The following ZDHHC14 variants were observed in gnomAD, a reference collection of about 807,000 sequenced individuals.
The protein encoded by ZDHHC14 is palmitoyltransferase ZDHHC14.
In ZDHHC14, 16 loss-of-function variants were observed where a neutral mutation model predicts 47.7. The observed-to-expected ratio is 0.34, with a 90% CI of 0.23 to 0.51. ZDHHC14 has a LOEUF of 0.51. Among genes scored for constraint, ZDHHC14 ranks in the 20% least tolerant of loss-of-function variants. The pLI is 0.97. For missense variants in ZDHHC14, 515 were observed against 662.5 expected, an observed-to-expected ratio of 0.78 and a Z score of 2.44; for synonymous variants, 293 against 278.9, an observed-to-expected ratio of 1.05 and a Z score of -0.50.
chr6:157,466,398 G>A (rs1192042080), intron 1 of ZDHHC14, among the ~76,000 whole-genome samples: 2 of 152,202 alleles, frequency 1.3e-5, no homozygotes, highest in African/African-American at 2.4e-5. Flanking sequence ...TGGATTCCCA[G>A]GGTTTAGGAC....
intron 2 of ZDHHC14, among the ~76,000 whole-genome samples, chr6:157,584,398 AG>A (rs1463949403): frequency 6.6e-6 from 1 of 152,238 alleles, no homozygotes; most frequent in Non-Finnish European, 1.5e-5. Flanking sequence ...CTGCAATGGT[AG>A]GAAAGAATCT....
chr6:157,628,210 G>A (rs1184901025), intron 3 of ZDHHC14, 139 bp from the exon 4 acceptor site: 1 of 856,276 alleles, frequency 1.2e-6, no homozygotes, highest in Non-Finnish European at 1.6e-6. Flanking sequence ...TCTCTGAGTG[G>A]TTAATTTGGA....
intron 1 of ZDHHC14, among the ~76,000 whole-genome samples, chr6:157,430,311 TA>T (rs67359917): frequency 0.037 from 3,599 of 96,306 alleles, 59 homozygotes; most frequent in African/African-American, 0.065. Context: ...CAAGACTGTG[TA>T]AAAAAAAAAA....
chr6:157,397,935 G>A (rs980798535), intron 1 of ZDHHC14, among the ~76,000 whole-genome samples: 1 of 152,148 alleles, frequency 6.6e-6, no homozygotes, highest in Admixed American at 6.5e-5. Context: ...AGGCTTTGGG[G>A]AGACAAACCC....
chr6:157,660,946 A>C (rs1057222902), intron 8 of ZDHHC14, among the ~76,000 whole-genome samples: 11 of 152,228 alleles, frequency 7.2e-5, no homozygotes, highest in Non-Finnish European at 1.2e-4. Flanking sequence ...ATGTGCTAGA[A>C]TGTGACAGAC....
intron 1 of ZDHHC14, among the ~76,000 whole-genome samples, chr6:157,391,786 C>A (rs1283474606): frequency 6.6e-6 from 1 of 152,142 alleles, no homozygotes; most frequent in East Asian, 1.9e-4. Context: ...TCAGACTATG[C>A]TTTTGTAGCT....
At chr6:157,566,244 A>T (rs1354950538) in intron 2 of ZDHHC14, among the ~76,000 whole-genome samples, 1 of 40,830 alleles carries the variant, frequency 2.4e-5, no homozygotes, top group Non-Finnish European at 4.4e-5. Context: ...CTTTCTCTCT[A>T]AAAAAACCCG....
At chr6:157,552,323 A>G (rs1428741616) in intron 2 of ZDHHC14, among the ~76,000 whole-genome samples, 2 of 152,116 alleles carry the variant, frequency 1.3e-5, no homozygotes, top group Non-Finnish European at 2.9e-5. Flanking sequence ...GAAACCCTTC[A>G]TGCAGAGTCG....
At chr6:157,418,903 C>A (rs1167744256) in intron 1 of ZDHHC14, among the ~76,000 whole-genome samples, 1 of 152,196 alleles carries the variant, frequency 6.6e-6, no homozygotes, top group Non-Finnish European at 1.5e-5. Flanking sequence ...GTAGAAAGCA[C>A]TCAGGGAACT....
Position 157,502,761 on chromosome 6 carries a change from G to A in ZDHHC14, c.246-39824G>A, listed in dbSNP as rs919323744. 6.6e-6 allele frequency among the ~76,000 whole-genome samples: 1 copy of A among 152,142 alleles called. No homozygotes were observed. The highest frequency in any genetic ancestry group is 2.4e-5 in the African/African-American group (1 of 41,424). On this transcript the variant is annotated intron_variant, in intron 1 of 8. Transcript: ENST00000359775. This position sits in a 1 kb window ranked among gnomAD's most constrained non-coding sequence, Gnocchi z 4.0. ...GCTGGAGTGCAGTGGCATGATCTTGGCTCACTGCAACCTCCGCCTCCCAGG... is the reference window on the plus strand; with the variant it reads ...GCTGGAGTGCAGTGGCATGATCTTGACTCACTGCAACCTCCGCCTCCCAGG...
intron 2 of ZDHHC14, among the ~76,000 whole-genome samples, chr6:157,546,115 C>T (rs376762523): frequency 1.4e-4 from 22 of 152,334 alleles, no homozygotes; most frequent in African/African-American, 5.3e-4. Context: ...CCGCTGCCTG[C>T]CAGCTTAGCT....
At chr6:157,660,525 T>C (rs1210654321) in intron 8 of ZDHHC14, among the ~76,000 whole-genome samples, 2 of 152,160 alleles carry the variant, frequency 1.3e-5, no homozygotes, top group Non-Finnish European at 2.9e-5. Flanking sequence ...CATATTTCCA[T>C]CTGAAAAGCC....
intron 1 of ZDHHC14, among the ~76,000 whole-genome samples, chr6:157,475,134 G>C (rs1369504529): frequency 1.3e-5 from 2 of 152,110 alleles, no homozygotes; most frequent in Non-Finnish European, 2.9e-5. Context: ...ATTTATTGAA[G>C]AGATTATCCT....
At chr6:157,558,149 A>G (rs1419263351) in intron 2 of ZDHHC14, among the ~76,000 whole-genome samples, 1 of 152,134 alleles carries the variant, frequency 6.6e-6, no homozygotes, top group African/African-American at 2.4e-5. Context: ...TTTTTGTACT[A>G]AATCTTTGAG....
At chr6:157,542,882 C>A in intron 2 of ZDHHC14, 137 bp downstream of exon 2, 2 of 1,099,820 alleles carry the variant, frequency 1.8e-6, no homozygotes, top group Non-Finnish European at 2.5e-6. Context: ...CGTTCCTTAG[C>A]TCGCTGGGTG....
chr6:157,673,339 C>T lies in ZDHHC14; in HGVS notation c.*217C>T. On this transcript the variant is annotated 3_prime_UTR_variant, in exon 9 of 9. Transcript: ENST00000359775. The surrounding 1 kb of genome is among the most constrained non-coding windows in gnomAD (Gnocchi z 5.4). ...TGAATTTTCTTCCCCAACCTGAGTG[C>T]TTTGACAACAATGGAAATAGAGAAG... The T allele has an allele frequency of 1.7e-6, 1 of 595,222 alleles. No individual in the cohort carries two copies. Among genetic ancestry groups the T allele is most frequent in the Non-Finnish European group, 2.7e-6 (1 of 363,640 alleles). 36.9% of individuals were successfully genotyped at this position (595,222 alleles called of 1,614,324 possible). A position where few individuals can be genotyped will look rare whatever the true frequency, so the allele number is the denominator to read the frequency against.
At chr6:157,532,617 T>C (rs967315356) in intron 1 of ZDHHC14, among the ~76,000 whole-genome samples, 2 of 152,196 alleles carry the variant, frequency 1.3e-5, no homozygotes, top group African/African-American at 4.8e-5. Flanking sequence ...GACAGAAATC[T>C]GCAAGGATGA....
intron 1 of ZDHHC14, among the ~76,000 whole-genome samples, chr6:157,512,039 A>T (rs554940574): frequency 1.1e-4 from 17 of 152,358 alleles, no homozygotes; most frequent in Admixed American, 5.2e-4. Flanking sequence ...GAAGGTCATA[A>T]AGAGCCTACC....
chr6:157,657,466 G>A (rs1172627661), intron 8 of ZDHHC14, among the ~76,000 whole-genome samples: 3 of 152,110 alleles, frequency 2.0e-5, no homozygotes, highest in Non-Finnish European at 4.4e-5. Context: ...GAGCTGTTCG[G>A]TACAAAAACA....
Sources: allele counts gnomAD v4.1 joint callset (sites outside exome capture counted in the v4.1 genomes callset), GRCh38; gene constraint gnomAD v4.1.1; non-coding constraint Gnocchi (gnomAD v3.1); transcripts MANE v1.5; gene names NCBI Gene and HGNC (gene_info 2026-07-23, HGNC 2026-07-21).